The following SLC35F3 variants were observed in gnomAD, a reference collection of about 807,000 sequenced individuals.
SLC35F3 encodes solute carrier family 35 member F3.
Under a neutral mutation model 49.9 loss-of-function variants are expected in SLC35F3, and 25 were observed. The ratio of observed to expected loss-of-function variants is 0.50; its 90% CI spans 0.37 to 0.70. The LOEUF (loss-of-function observed/expected upper bound fraction) is 0.70. Ranked by LOEUF, SLC35F3 falls within the 30% of genes least tolerant of loss-of-function variation. The probability of loss-of-function intolerance (pLI) is 0.00; values close to 1 mark genes in which losing one functional copy is unlikely to be tolerated. For synonymous variants in SLC35F3, 275 were observed against 265.4 expected (o/e 1.04, Z -0.35); for missense variants, 525 against 639.8 (o/e 0.82, Z 1.94).
chr1:234,025,956 G>A (rs954406532), intron 2 of SLC35F3, among the ~76,000 whole-genome samples: 7 of 152,260 alleles, frequency 4.6e-5, no homozygotes, highest in African/African-American at 1.2e-4. Context: ...ATTTTAAGTC[G>A]TTAATTAATC....
chr1:233,980,797 G>A (rs192156036), intron 2 of SLC35F3, among the ~76,000 whole-genome samples: 237 of 152,284 alleles, frequency 1.6e-3, no homozygotes, highest in African/African-American at 5.5e-3. Context: ...TGTGATAATT[G>A]ATAGTAATCA....
chr1:234,319,378 A>G (rs747730958), intron 6 of SLC35F3, among the ~76,000 whole-genome samples: 1 of 152,188 alleles, frequency 6.6e-6, no homozygotes, highest in Non-Finnish European at 1.5e-5. Flanking sequence ...GAATGCAACC[A>G]AGGACATGAC....
chr1:234,067,330 A>G (rs1003159823), intron 2 of SLC35F3, among the ~76,000 whole-genome samples: 1 of 152,204 alleles, frequency 6.6e-6, no homozygotes, highest in East Asian at 1.9e-4. Flanking sequence ...TGACAATTCT[A>G]ACTTACTATA....
At chr1:234,191,438 A>G (rs1666728153) in intron 2 of SLC35F3, among the ~76,000 whole-genome samples, 2 of 152,136 alleles carry the variant, frequency 1.3e-5, no homozygotes, top group African/African-American at 4.8e-5. Flanking sequence ...CTGGGATACA[A>G]GCAAAGGCAG....
chr1:234,158,022 C>T (rs1418863007), intron 2 of SLC35F3, among the ~76,000 whole-genome samples: 1 of 152,170 alleles, frequency 6.6e-6, no homozygotes, highest in African/African-American at 2.4e-5. Flanking sequence ...TTCAGCCAGT[C>T]ATCTACTTCC....
At chr1:233,909,288 T>C (rs1360679133) in intron 2 of SLC35F3, among the ~76,000 whole-genome samples, 2 of 152,106 alleles carry the variant, frequency 1.3e-5, no homozygotes, top group Admixed American at 6.5e-5. Context: ...GTGGCAAAAG[T>C]CCTCCAAGCT....
At chr1:234,321,479 G>C (rs928017147) in intron 7 of SLC35F3, among the ~76,000 whole-genome samples, 1 of 152,212 alleles carries the variant, frequency 6.6e-6, no homozygotes, top group African/African-American at 2.4e-5. Context: ...AAAGAAAAAT[G>C]GTCCAGATGC....
At chr1:234,145,829 G>A (rs1449302915) in intron 2 of SLC35F3, among the ~76,000 whole-genome samples, 1 of 152,148 alleles carries the variant, frequency 6.6e-6, no homozygotes, top group Non-Finnish European at 1.5e-5. Flanking sequence ...CATGGGACAA[G>A]TGTATATGTT....
chr1:234,108,513 G>A (rs1158063546), intron 2 of SLC35F3, among the ~76,000 whole-genome samples: 7 of 99,420 alleles, frequency 7.0e-5, no homozygotes, highest in East Asian at 4.0e-4. Flanking sequence ...ATATATAAAT[G>A]ATATATATTA....
chr1:234,227,019 T>C (rs951677378), intron 2 of SLC35F3, among the ~76,000 whole-genome samples: 1 of 150,076 alleles, frequency 6.7e-6, no homozygotes, highest in Non-Finnish European at 1.5e-5. Flanking sequence ...GCAACAGAAC[T>C]GGGATGAACC....
At chr1:233,989,748 G>C (rs1483139121) in intron 2 of SLC35F3, among the ~76,000 whole-genome samples, 1 of 152,092 alleles carries the variant, frequency 6.6e-6, no homozygotes, top group African/African-American at 2.4e-5. Flanking sequence ...GAAATGAAGA[G>C]CTTTAGTAGG....
intron 3 of SLC35F3, among the ~76,000 whole-genome samples, chr1:234,277,053 A>G (rs16842858): frequency 0.062 from 9,406 of 152,252 alleles, 358 homozygotes; most frequent in African/African-American, 0.1. Flanking sequence ...CAGTTTCTCA[A>G]TTGTTTAAGA....
chr1:234,309,839 T>A (rs2102994240), intron 4 of SLC35F3, among the ~76,000 whole-genome samples: 1 of 152,340 alleles, frequency 6.6e-6, no homozygotes, highest in South Asian at 2.1e-4. Flanking sequence ...CCAGACACAC[T>A]CATGCTAAGT....
At chr1:234,291,473 A>G (rs543503873) in intron 3 of SLC35F3, among the ~76,000 whole-genome samples, 1 of 152,044 alleles carries the variant, frequency 6.6e-6, no homozygotes, top group Non-Finnish European at 1.5e-5. Context: ...ACTAGAGGAT[A>G]TTTTTTTTAA....
At chr1:234,094,042 C>T (rs1665083525) in intron 2 of SLC35F3, among the ~76,000 whole-genome samples, 1 of 152,246 alleles carries the variant, frequency 6.6e-6, no homozygotes, top group Non-Finnish European at 1.5e-5. Context: ...ACATGGCCCA[C>T]AGTCGCTGTG....
intron 2 of SLC35F3, among the ~76,000 whole-genome samples, chr1:233,937,219 G>C (rs561485977): frequency 1.1e-4 from 17 of 152,302 alleles, no homozygotes; most frequent in Non-Finnish European, 2.2e-4. Flanking sequence ...TGGTAAATTA[G>C]GGTGCTGCTC....
chr1:234,017,156 G>A, intron 2 of SLC35F3, among the ~76,000 whole-genome samples: 1 of 152,162 alleles, frequency 6.6e-6, no homozygotes, highest in South Asian at 2.1e-4. Context: ...ACCATGAAGA[G>A]CGAATTAGTG....
At chr1:234,067,622 G>C (rs1377339072) in intron 2 of SLC35F3, among the ~76,000 whole-genome samples, 1 of 152,146 alleles carries the variant, frequency 6.6e-6, no homozygotes, top group African/African-American at 2.4e-5. Flanking sequence ...AAGAAGCTTG[G>C]GTTGTCCTCC....
intron 2 of SLC35F3, among the ~76,000 whole-genome samples, chr1:234,033,080 G>A (rs2102849240): frequency 6.6e-6 from 1 of 151,778 alleles, no homozygotes; most frequent in East Asian, 1.9e-4. Context: ...TCCCATTGTG[G>A]CTTTGATTTG....
Sources: gnomAD v4.1 joint callset for allele counts (sites outside exome capture counted in the v4.1 genomes callset) on GRCh38, gnomAD v4.1.1 for gene constraint, MANE v1.5 for transcripts, NCBI Gene and HGNC (gene_info 2026-07-23, HGNC 2026-07-21) for gene names.